Variants in OSBPL9 observed in about 807,000 individuals in gnomAD.
OSBPL9 encodes the protein oxysterol-binding protein-related protein 9.
A neutral mutation model predicts 106.6 loss-of-function variants in OSBPL9; 40 were observed. That is an observed-to-expected ratio of 0.38 (90% CI 0.29 to 0.49). The LOEUF (loss-of-function observed/expected upper bound fraction) is 0.49, where lower values mean the gene tolerates loss of function less well. OSBPL9 is among the 20% of genes least tolerant of loss of function. The pLI, the probability that OSBPL9 is intolerant of heterozygous loss-of-function variation, is 0.97. For missense variants in OSBPL9, 609 were observed against 887.2 expected (o/e 0.69, Z 3.98); for synonymous variants, 269 against 295.4 (o/e 0.91, Z 0.92).
At chr1:51,707,376 G>A (rs1329785913) in intron 3 of OSBPL9, 1 of 179,554 alleles carries the variant, frequency 5.6e-6, no homozygotes, top group Admixed American at 6.1e-5. Flanking sequence ...CCTTCTTAAT[G>A]TCATCGTATT....
At chr1:51,594,243 A>T (rs952088135) in intron 1 of OSBPL9, among the ~76,000 whole-genome samples, 2 of 152,016 alleles carry the variant, frequency 1.3e-5, no homozygotes, top group Non-Finnish European at 2.9e-5. Context: ...CTAAAAATAA[A>T]AAATAAATAA....
rs766224425 is a variant in OSBPL9, at chr1:51,772,053, A to T, written c.939-17A>T. 1 of 1,587,372 alleles carries T rather than the reference A, an allele frequency of 6.3e-7. No homozygotes were observed. The highest frequency in any genetic ancestry group is 1.7e-5 in the Admixed American group (1 of 58,048). On this transcript the variant is annotated splice_polypyrimidine_tract_variant and intron_variant, in intron 12 of 23. Transcript: ENST00000428468. Reference sequence around the variant, plus strand: ...TTGCTTTCTTTAGCTTAAATAAGGTAATTAATGTTTTTATAGTTCTTCTGG... The same window carrying T: ...TTGCTTTCTTTAGCTTAAATAAGGTTATTAATGTTTTTATAGTTCTTCTGG...
intron 3 of OSBPL9, among the ~76,000 whole-genome samples, chr1:51,695,703 T>C (rs1655878995): frequency 6.6e-6 from 1 of 152,244 alleles, no homozygotes; most frequent in East Asian, 1.9e-4. Context: ...TTTTAGGTGC[T>C]ATGTCGTTGT....
At chr1:51,669,625 G>T in intron 3 of OSBPL9, 113 bp downstream of exon 3, 1 of 921,282 alleles carries the variant, frequency 1.1e-6, no homozygotes, top group Non-Finnish European at 1.7e-6. Context: ...CTGCATGAAC[G>T]AGTGCATAGG....
At chr1:51,522,913 G>C in the OSBPL9 span, among the ~76,000 whole-genome samples, 1 of 151,934 alleles carries the variant, frequency 6.6e-6, no homozygotes, top group East Asian at 1.9e-4. Context: ...CTACCCTTCA[G>C]GCAACCCTCC....
At chr1:51,781,420 G>T in intron 16 of OSBPL9, 85 bp downstream of exon 16, 1 of 1,337,474 alleles carries the variant, frequency 7.5e-7, no homozygotes, top group Non-Finnish European at 1.0e-6. Context: ...AATGATGAAA[G>T]CAATGATCAA....
intron 3 of OSBPL9, among the ~76,000 whole-genome samples, chr1:51,708,307 A>G (rs1189087479): frequency 8.6e-6 from 1 of 116,016 alleles, no homozygotes; most frequent in Non-Finnish European, 1.8e-5. Flanking sequence ...AATTTCCACT[A>G]TGGTTAGAGA....
intron 1 of OSBPL9, among the ~76,000 whole-genome samples, chr1:51,585,976 C>T (rs538860762): frequency 2.0e-5 from 3 of 151,610 alleles, no homozygotes; most frequent in African/African-American, 7.3e-5. Context: ...AGTTTAAGGC[C>T]AGCCTGGCCA....
chr1:51,564,358 C>T, the OSBPL9 span, among the ~76,000 whole-genome samples: 1 of 152,072 alleles, frequency 6.6e-6, no homozygotes, highest in Admixed American at 6.6e-5. Context: ...AATCATGGGC[C>T]CTTATTGTTA....
chr1:51,676,419 G>A (rs1651218197), intron 3 of OSBPL9, among the ~76,000 whole-genome samples: 1 of 151,804 alleles, frequency 6.6e-6, no homozygotes, highest in South Asian at 2.1e-4. Context: ...AACACAGTGA[G>A]ATGCCTTCTC....
the OSBPL9 span, among the ~76,000 whole-genome samples, chr1:51,523,126 A>G: frequency 1.3e-5 from 2 of 152,160 alleles, no homozygotes; most frequent in African/African-American, 4.8e-5. Flanking sequence ...AAATAAATAA[A>G]TAAATAAGAA....
the OSBPL9 span, among the ~76,000 whole-genome samples, chr1:51,564,118 C>CG: frequency 7.4e-6 from 1 of 135,104 alleles, no homozygotes; most frequent in East Asian, 2.2e-4. Context: ...GAAAAGAAAA[C>CG]GGGGGTCCAG....
chr1:51,579,834 G>A (rs140873580), intron 1 of OSBPL9, among the ~76,000 whole-genome samples: 3 of 141,960 alleles, frequency 2.1e-5, no homozygotes, highest in African/African-American at 2.8e-5. Context: ...CAGCCTGGGC[G>A]ACAGAGTGAG....
At position 51,631,642 on chromosome 1, in the gene OSBPL9, A is replaced by G. The variant is rs550551311; in HGVS notation, c.111+14421A>G. On this transcript the variant is annotated intron_variant, in intron 1 of 23. Transcript: ENST00000428468. ...TAATGGCTGACAATCATTTATGTCT[A>G]TGCCTTAGCAGGATTCAGGCTCCTC... Among the ~76,000 whole-genome samples the G allele has an allele frequency of 9.2e-5, 14 of 152,318 alleles. No individual in the cohort carries two copies. The South Asian group carries it at 2.9e-3, about 32-fold the overall frequency.
At chr1:51,786,239 C>A in intron 21 of OSBPL9, 1 of 446,016 alleles carries the variant, frequency 2.2e-6, no homozygotes, top group Non-Finnish European at 4.0e-6. Context: ...CTGTGTGTTT[C>A]CATACACACA....
chr1:51,754,338 C>T (rs918539071), intron 8 of OSBPL9, among the ~76,000 whole-genome samples: 1 of 152,226 alleles, frequency 6.6e-6, no homozygotes, highest in African/African-American at 2.4e-5. Flanking sequence ...TTGCTACAAA[C>T]TTAAACTCTG....
chr1:51,523,145 C>T, the OSBPL9 span, among the ~76,000 whole-genome samples: 1 of 152,026 alleles, frequency 6.6e-6, no homozygotes. Flanking sequence ...AATAAGGGTG[C>T]TTTGAACAAC....
At chr1:51,563,464 T>C in the OSBPL9 span, among the ~76,000 whole-genome samples, 1 of 152,200 alleles carries the variant, frequency 6.6e-6, no homozygotes, top group East Asian at 1.9e-4. Context: ...AACGTAGGCA[T>C]AGCCCTGTGA....
intron 1 of OSBPL9, among the ~76,000 whole-genome samples, chr1:51,644,770 A>T (rs1010300572): frequency 2.0e-5 from 3 of 152,094 alleles, no homozygotes; most frequent in African/African-American, 7.2e-5. Flanking sequence ...TCTGCCTGGG[A>T]CTTTGCCCGC....
Sources: allele counts gnomAD v4.1 joint callset (sites outside exome capture counted in the v4.1 genomes callset), GRCh38; gene constraint gnomAD v4.1.1; transcripts MANE v1.5; gene names NCBI Gene and HGNC (gene_info 2026-07-23, HGNC 2026-07-21).